The following RNF170 variants were observed in gnomAD, a reference collection of about 807,000 sequenced individuals.
RNF170 encodes E3 ubiquitin-protein ligase RNF170.
In RNF170, 12 loss-of-function variants were observed where a neutral mutation model predicts 32.7. The observed-to-expected ratio is 0.37, with a 90% CI of 0.24 to 0.60. The LOEUF (loss-of-function observed/expected upper bound fraction) is 0.60. Ranked by LOEUF, RNF170 falls within the 20% of genes least tolerant of loss-of-function variation. The pLI is 0.72. For synonymous variants in RNF170, 91 were observed against 103.6 expected (o/e 0.88, Z 0.74); for missense variants, 212 against 311.2 (o/e 0.68, Z 2.40).
chr8:42,892,514 T>A (rs1410002974), intron 1 of RNF170, among the ~76,000 whole-genome samples: 1 of 152,184 alleles, frequency 6.6e-6, no homozygotes, highest in Non-Finnish European at 1.5e-5. Flanking sequence ...CACAAGTGAC[T>A]ACAGTTCAGT....
At chr8:42,874,652 G>T (rs1413920872) in intron 2 of RNF170, among the ~76,000 whole-genome samples, 1 of 152,028 alleles carries the variant, frequency 6.6e-6, no homozygotes, top group African/African-American at 2.4e-5. Context: ...TGAGGCAGGA[G>T]AATTGCTGGA....
At chr8:42,859,625 A>C (rs1563658677) in intron 6 of RNF170, among the ~76,000 whole-genome samples, 1 of 151,906 alleles carries the variant, frequency 6.6e-6, no homozygotes, top group African/African-American at 2.4e-5. Flanking sequence ...AATCTGTCTC[A>C]AACAACAACA....
Position 42,885,988 on chromosome 8 carries a change from C to T in RNF170, c.137+1740G>A, listed in dbSNP as rs548900799. On this transcript the variant is annotated intron_variant, in intron 2 of 6. Transcript: ENST00000527424. The stretch of plus-strand genomic sequence containing the variant: ...CTGTAACCCCCCGATTTTGGGAGGC[C>T]GAGGTGGGCGAATCAACTGAGGTCA... Among the ~76,000 whole-genome samples the T allele has an allele frequency of 6.6e-5, 10 of 152,160 alleles. 1 individual carries two copies. The highest frequency in any genetic ancestry group is 4.1e-4 in the South Asian group (2 of 4,830).
Position 42,853,381 on chromosome 8 carries a change from A to G in RNF170, c.*2778T>C. On this transcript the variant is annotated 3_prime_UTR_variant, in exon 7 of 7. Coordinates refer to ENST00000527424, the MANE Select transcript of RNF170 (RefSeq NM_030954.4). Reference sequence around the variant, plus strand: ...ATCACAAGGTTTGAACCAAACCACCAGTCTTCTACAACAACTCTGTGAGGT... The same window carrying G: ...ATCACAAGGTTTGAACCAAACCACCGGTCTTCTACAACAACTCTGTGAGGT... 1.6e-6 allele frequency: 2 copies of G among 1,282,004 alleles called. No homozygotes were observed. The highest frequency in any genetic ancestry group is 2.0e-6 in the Non-Finnish European group (2 of 985,762). 79.4% of individuals were successfully genotyped at this position (1,282,004 alleles called of 1,614,324 possible).
In RNF170 at chr8:42,873,920, A is replaced by C; in HGVS notation, c.213+11T>G. ...TCACATCTACTCCTCAAATAAATAC[A>C]TATACAATACCTGTTCTGTTTGAAG... On this transcript the variant is annotated intron_variant, in intron 3 of 6. Transcript: ENST00000527424. The C allele has an allele frequency of 6.8e-7, 1 of 1,460,090 alleles. No homozygotes were observed. The highest frequency in any genetic ancestry group is 2.3e-5 in the East Asian group (1 of 44,134). The allele number at this position is 1,460,090 out of a possible 1,614,324, so 90.4% of individuals were successfully genotyped here. A position where few individuals can be genotyped will look rare whatever the true frequency, so the allele number is the denominator to read the frequency against.
At chr8:42,873,295 A>AC (rs1386651541) in intron 3 of RNF170, among the ~76,000 whole-genome samples, 2 of 149,042 alleles carry the variant, frequency 1.3e-5, no homozygotes, top group African/African-American at 4.9e-5. Context: ...CTTTTTTACA[A>AC]AAAAAAAAAA....
intron 4 of RNF170, among the ~76,000 whole-genome samples, chr8:42,867,792 A>G (rs995957847): frequency 2.0e-5 from 3 of 150,578 alleles, no homozygotes; most frequent in African/African-American, 4.9e-5. Flanking sequence ...AAAAAAAAAA[A>G]AAAAAAAGAA....
chr8:42,897,108 C>T, upstream of RNF170: 2 of 1,240,894 alleles, frequency 1.6e-6, no homozygotes, highest in African/African-American at 3.1e-5. Context: ...AGGCGGTAGG[C>T]GCTGCCTGGC....
At chr8:42,850,554 C>T, downstream of RNF170, 1 of 562,516 alleles carries the variant, frequency 1.8e-6, no homozygotes, top group Non-Finnish European at 3.2e-6. Flanking sequence ...TGGTGGCAGG[C>T]ATAATGGTAC....
intron 2 of RNF170, among the ~76,000 whole-genome samples, chr8:42,877,000 CTGGGGT>C (rs1210502044): frequency 2.1e-5 from 3 of 140,070 alleles, no homozygotes; most frequent in Admixed American, 7.8e-5. Flanking sequence ...GTCGTCCAGG[CTGGGGT>C]GCAGTGGCGC....
chr8:42,890,551 A>C (rs1347323522), intron 1 of RNF170, among the ~76,000 whole-genome samples: 1 of 152,136 alleles, frequency 6.6e-6, no homozygotes, highest in East Asian at 1.9e-4. Context: ...TGCTGGGATT[A>C]CAGGTGTGAG....
At chr8:42,884,692 T>G (rs1056807390) in intron 2 of RNF170, among the ~76,000 whole-genome samples, 1 of 151,648 alleles carries the variant, frequency 6.6e-6, no homozygotes, top group Non-Finnish European at 1.5e-5. Flanking sequence ...AATTGCCTTA[T>G]TAAATGAATT....
intron 1 of RNF170, 56 bp downstream of exon 1, chr8:42,896,428 T>C (rs1806884447): frequency 4.4e-6 from 2 of 451,776 alleles, no homozygotes; most frequent in Non-Finnish European, 8.9e-6. Context: ...GACCCCGCCG[T>C]CCGCGGCTCC....
At chr8:42,880,315 T>A (rs1004466921) in intron 2 of RNF170, among the ~76,000 whole-genome samples, 4 of 152,118 alleles carry the variant, frequency 2.6e-5, no homozygotes, top group African/African-American at 9.7e-5. Flanking sequence ...ATAAACGAAG[T>A]TGATAGAGCA....
chr8:42,887,633 T>G (rs973352594), intron 2 of RNF170, 95 bp downstream of exon 2: 7 of 1,110,544 alleles, frequency 6.3e-6, no homozygotes, highest in Non-Finnish European at 9.7e-6. Flanking sequence ...TGAGATCTGT[T>G]ACTTGCTGTT....
In RNF170 at chr8:42,854,281, C is replaced by T. The variant is rs1244001478; in HGVS notation, c.*1878G>A. On this transcript the variant is annotated 3_prime_UTR_variant, in exon 7 of 7. Transcript: ENST00000527424. ...AACCAGTTTCTCTCTTGCTGTTCCT[C>T]TTAACAACTTTCACGTCTATCTAAA... 1 of 1,287,212 alleles carries T rather than the reference C, an allele frequency of 7.8e-7. No homozygotes were observed. The highest frequency in any genetic ancestry group is 1.2e-5 in the South Asian group (1 of 80,938). 79.7% of individuals were successfully genotyped at this position (1,287,212 alleles called of 1,614,324 possible). A position where few individuals can be genotyped will look rare whatever the true frequency, so the allele number is the denominator to read the frequency against.
intron 2 of RNF170, among the ~76,000 whole-genome samples, chr8:42,877,282 A>T (rs1408682623): frequency 6.6e-6 from 1 of 151,952 alleles, no homozygotes; most frequent in Admixed American, 6.6e-5. Flanking sequence ...GCAGTGGCAC[A>T]ATCTTGGCTC....
intron 1 of RNF170, among the ~76,000 whole-genome samples, chr8:42,892,392 T>C (rs552911699): frequency 2.0e-5 from 3 of 152,262 alleles, no homozygotes; most frequent in Non-Finnish European, 4.4e-5. Context: ...CTCCAACTCC[T>C]GGGGTCAAGG....
intron 3 of RNF170, among the ~76,000 whole-genome samples, chr8:42,872,381 A>C (rs1178373665): frequency 6.6e-6 from 1 of 152,226 alleles, no homozygotes; most frequent in Non-Finnish European, 1.5e-5. Context: ...ATTATAAAAC[A>C]CTATCTCAAC....
Sources: allele counts gnomAD v4.1 joint callset (sites outside exome capture counted in the v4.1 genomes callset), GRCh38; gene constraint gnomAD v4.1.1; transcripts MANE v1.5; gene names NCBI Gene and HGNC (gene_info 2026-07-23, HGNC 2026-07-21).